Variants in COL12A1 observed in about 807,000 individuals in gnomAD.
The protein encoded by COL12A1 is collagen alpha-1(XII) chain.
COL12A1 carries 114 observed loss-of-function variants against 349.7 expected under a neutral mutation model. The ratio of observed to expected loss-of-function variants is 0.33; its 90% CI spans 0.28 to 0.38. The LOEUF (loss-of-function observed/expected upper bound fraction) is 0.38, where lower values mean the gene tolerates loss of function less well. COL12A1 is among the 10% of genes least tolerant of loss of function. COL12A1 has a pLI of 1.00. For missense variants in COL12A1, 3,284 were observed against 3,756.9 expected, an observed-to-expected ratio of 0.87 and a Z score of 3.29; for synonymous variants, 1,369 against 1,329.0, an observed-to-expected ratio of 1.03 and a Z score of -0.66.
chr6:75,144,584 G>C (rs758573733), intron 25 of COL12A1, among the ~76,000 whole-genome samples: 1 of 152,144 alleles, frequency 6.6e-6, no homozygotes, highest in African/African-American at 2.4e-5. Flanking sequence ...AGCTGGGTAA[G>C]GCAAGAGGCA....
intron 2 of COL12A1, among the ~76,000 whole-genome samples, chr6:75,197,615 A>C: frequency 6.6e-6 from 1 of 152,094 alleles, no homozygotes; most frequent in East Asian, 1.9e-4. Flanking sequence ...CCCAGCCCGG[A>C]AATTTTCAAT....
intron 14 of COL12A1, among the ~76,000 whole-genome samples, chr6:75,156,984 C>T (rs1767800357): frequency 6.6e-6 from 1 of 152,110 alleles, no homozygotes; most frequent in Admixed American, 6.6e-5. Context: ...GTAGTTAACA[C>T]CATTCTTATG....
At chr6:75,099,377 T>C (rs921684652) in intron 58 of COL12A1, among the ~76,000 whole-genome samples, 4 of 152,202 alleles carry the variant, frequency 2.6e-5, no homozygotes, top group Non-Finnish European at 5.9e-5. Flanking sequence ...TAATATTGCT[T>C]GGACAATTTG....
chr6:75,087,855 T>G, intron 64 of COL12A1, 108 bp from the exon 65 acceptor site: 1 of 1,130,644 alleles, frequency 8.8e-7, no homozygotes, highest in Non-Finnish European at 1.3e-6. Context: ...TTAGACAATT[T>G]ACTATTGTAT....
In COL12A1 at chr6:75,086,279, G is replaced by C; in HGVS notation, c.*268C>G. 1 of 218,620 alleles carries C rather than the reference G, an allele frequency of 4.6e-6. No individual in the cohort carries two copies. Among genetic ancestry groups the C allele is most frequent in the Non-Finnish European group, 9.2e-6 (1 of 108,630 alleles). The allele number at this position is 218,620 out of a possible 1,614,324, so 13.5% of individuals were successfully genotyped here. A position where few individuals can be genotyped will look rare whatever the true frequency, so the allele number is the denominator to read the frequency against. ...TTCAAAACTGAGGCTCCTCATGGCT[G>C]TGTGTTGGAACTTTTTTAAAATAAT... On this transcript the variant is annotated 3_prime_UTR_variant, in exon 66 of 66. Coordinates refer to ENST00000322507, the MANE Select transcript of COL12A1 (RefSeq NM_004370.6).
intron 64 of COL12A1, 85 bp from the exon 65 acceptor site, chr6:75,087,832 C>T: frequency 7.4e-7 from 1 of 1,359,720 alleles, no homozygotes; most frequent in Non-Finnish European, 1.0e-6. Flanking sequence ...GTGGCACCTC[C>T]ACTGTCTCAA....
chr6:75,138,929 T>C lies in COL12A1; in HGVS notation c.4990A>G (p.Thr1664Ala). The change falls in exon 28 of 66, where the codon ACT (threonine) becomes GCT (alanine). Residue 1664 changes from threonine to alanine, a missense_variant. Transcript: ENST00000322507. ...CTGAAACCCTCTGATGTTACTTCAGTAATCTTTAAGTTTGTTGGGGCTGGC... is the reference window on the plus strand; with the variant it reads ...CTGAAACCCTCTGATGTTACTTCAGCAATCTTTAAGTTTGTTGGGGCTGGC... ...PVPAPTNLKI[T>A]EVTSEGFRGT... 1 of 1,614,096 alleles carries C rather than the reference T, an allele frequency of 6.2e-7. No individual in the cohort carries two copies. The highest frequency in any genetic ancestry group is 8.5e-7 in the Non-Finnish European group (1 of 1,179,938).
chr6:75,091,025 C>T (rs1024780633), intron 62 of COL12A1, among the ~76,000 whole-genome samples: 35 of 151,970 alleles, frequency 2.3e-4, no homozygotes, highest in African/African-American at 8.5e-4. Context: ...TCTTGGTGGG[C>T]CCCCTTCCTT....
chr6:75,138,673 C>T, intron 28 of COL12A1, 93 bp from the exon 29 acceptor site: 1 of 1,569,146 alleles, frequency 6.4e-7, no homozygotes, highest in Non-Finnish European at 8.7e-7. Context: ...ATTATTTAGC[C>T]AGATGTTCCT....
At chr6:75,086,586 A>G in intron 65 of COL12A1, 29 bp from the exon 66 acceptor site, 2 of 1,589,314 alleles carry the variant, frequency 1.3e-6, no homozygotes, top group Non-Finnish European at 1.7e-6. Context: ...GATAGTTTTT[A>G]AAAGTTGAAT....
chr6:75,188,497 C>T lies in COL12A1; in HGVS notation c.862G>A (p.Ala288Thr), dbSNP rs1769749949. The change falls in exon 8 of 66, where the codon GCC (alanine) becomes ACC (threonine). Residue 288 changes from alanine (A) to threonine (T), a missense_variant. Ala to Thr is a moderately conservative substitution (Grantham distance 58). Around this residue, in one of 2 missense-constraint regions of COL12A1, gnomAD observed 2,601 missense variants for 2,824.8 expected, o/e 0.92. Coordinates refer to ENST00000322507, the MANE Select transcript of COL12A1 (RefSeq NM_004370.6). ...AADAKELKQI[A>T]STPSLNHVFN... ...ACATGGTTCAGTGAAGGTGTGGAGG[C>T]AATTTGTTTGAGTTCTTTTGCATCT... 2 of 1,613,332 alleles carry T rather than the reference C, an allele frequency of 1.2e-6. No homozygotes were observed. Among genetic ancestry groups the T allele is most frequent in the Non-Finnish European group, 1.7e-6 (2 of 1,179,560 alleles).
chr6:75,168,500 A>G (rs1183812995), intron 13 of COL12A1, among the ~76,000 whole-genome samples: 1 of 152,108 alleles, frequency 6.6e-6, no homozygotes, highest in East Asian at 1.9e-4. Context: ...AGGCTATGTC[A>G]CCTCCTGGGG....
chr6:75,202,793 C>T lies in COL12A1; in HGVS notation c.-1G>A. 1 of 1,551,770 alleles carries T rather than the reference C, an allele frequency of 6.4e-7. No homozygotes were observed. Among genetic ancestry groups the T allele is most frequent in the Non-Finnish European group, 8.7e-7 (1 of 1,146,994 alleles). On this transcript the variant is annotated 5_prime_UTR_variant, in exon 2 of 66. Coordinates refer to ENST00000322507, the MANE Select transcript of COL12A1 (RefSeq NM_004370.6). ...GCGCTGGGGGAAGCCTACTCCGCAT[C>T]CTTGGCCTCCGAGCTTACAGCGGCA...
chr6:75,140,823 T>C (rs548603182), intron 27 of COL12A1, among the ~76,000 whole-genome samples: 51 of 152,262 alleles, frequency 3.3e-4, no homozygotes, highest in African/African-American at 1.1e-3. Context: ...AATAGGTTAC[T>C]GGATGTGGCT....
At chr6:75,134,050 T>C in intron 32 of COL12A1, 53 bp from the exon 33 acceptor site, 3 of 1,568,132 alleles carry the variant, frequency 1.9e-6, no homozygotes, top group Non-Finnish European at 2.6e-6. Flanking sequence ...CAAGCACACA[T>C]GAAACACAGA....
intron 37 of COL12A1, among the ~76,000 whole-genome samples, chr6:75,129,069 T>G (rs1766167765): frequency 6.6e-6 from 1 of 152,248 alleles, no homozygotes; most frequent in Admixed American, 6.5e-5. Context: ...CCTGGAGTCC[T>G]ATAACTACAA....
At chr6:75,092,727 T>A (rs1767834608) in intron 60 of COL12A1, among the ~76,000 whole-genome samples, 2 of 152,158 alleles carry the variant, frequency 1.3e-5, no homozygotes, top group Non-Finnish European at 1.5e-5. Flanking sequence ...CAGAATGATA[T>A]TTTTTAAAGA....
chr6:75,118,482 G>C lies in COL12A1; in HGVS notation c.7354+561C>G, dbSNP rs1025607299. 2.6e-5 allele frequency among the ~76,000 whole-genome samples: 4 copies of C among 152,158 alleles called. No homozygotes were observed. In the East Asian group the frequency reaches 7.7e-4, roughly 29 times the overall value. On this transcript the variant is annotated intron_variant, in intron 46 of 65. Transcript: ENST00000322507. ...GGGGGTAGGGGGGCTGTTAATGCAA[G>C]TACTGGAAAGATCTACTTTCACCTC...
In COL12A1 at chr6:75,202,783, T is replaced by G. The variant is rs1189935795; in HGVS notation, c.10A>C (p.Arg4=). Residue 4 remains arginine (R), a synonymous_variant, in exon 2 of 66, where the codon AGG becomes CGG. Coordinates refer to ENST00000322507, the MANE Select transcript of COL12A1 (RefSeq NM_004370.6). ...AGGGCGGCAAGCGCTGGGGGAAGCC[T>G]ACTCCGCATCCTTGGCCTCCGAGCT... MRS[R]LPPALAALGA... 13 of 1,551,784 alleles carry G rather than the reference T, an allele frequency of 8.4e-6. No individual in the cohort carries two copies. The highest frequency in any genetic ancestry group is 1.1e-5 in the Non-Finnish European group (13 of 1,146,992).
Sources: allele counts gnomAD v4.1 joint callset (sites outside exome capture counted in the v4.1 genomes callset), GRCh38; gene constraint gnomAD v4.1.1; regional missense constraint gnomAD v4.1.1; transcripts MANE v1.5; gene names NCBI Gene and HGNC (gene_info 2026-07-23, HGNC 2026-07-21).